MGST1: variants seen among roughly 807,000 people sequenced by gnomAD.
MGST1 encodes microsomal glutathione S-transferase 1.
MGST1 carries 5 observed loss-of-function variants against 8.9 expected under a neutral mutation model. That is an observed-to-expected ratio of 0.56 (90% CI 0.29 to 1.19). The LOEUF (loss-of-function observed/expected upper bound fraction) is 1.19, where lower values mean the gene tolerates loss of function less well. Among genes scored for constraint, MGST1 ranks in the 50% most tolerant of loss-of-function variants. The pLI is 0.08. For synonymous variants in MGST1, 54 were observed against 67.8 expected, an observed-to-expected ratio of 0.80 and a Z score of 1.00; for missense variants, 182 against 187.4, an observed-to-expected ratio of 0.97 and a Z score of 0.17.
At chr12:16,429,748 A>G (rs1377845265) in intron 1 of MGST1, among the ~76,000 whole-genome samples, 4 of 152,292 alleles carry the variant, frequency 2.6e-5, no homozygotes, top group African/African-American at 9.6e-5. Flanking sequence ...ATTATTTGCA[A>G]CTTTAGCAAG....
chr12:16,420,870 T>C (rs1940829891), intron 1 of MGST1, among the ~76,000 whole-genome samples: 1 of 152,132 alleles, frequency 6.6e-6, no homozygotes, highest in Non-Finnish European at 1.5e-5. Context: ...GTTTCTTAAG[T>C]TCATTTATTT....
intron 4 of MGST1, among the ~76,000 whole-genome samples, chr12:16,538,641 C>T (rs1941772218): frequency 1.4e-5 from 2 of 143,070 alleles, no homozygotes; most frequent in Non-Finnish European, 3.0e-5. Flanking sequence ...CAGAGTCTCG[C>T]TCTGTCACCC....
intron 4 of MGST1, among the ~76,000 whole-genome samples, chr12:16,467,835 T>A (rs893862674): frequency 1.3e-5 from 2 of 152,172 alleles, no homozygotes; most frequent in Non-Finnish European, 1.5e-5. Flanking sequence ...GAAATAGAAT[T>A]GAGTCTTAAT....
chr12:16,360,270 T>C, intron 3 of MGST1: 1 of 667,336 alleles, frequency 1.5e-6, no homozygotes. Context: ...TAAGTTAGAC[T>C]TTTTTTTTTC....
At chr12:16,446,947 A>G (rs1941085277) in intron 4 of MGST1, among the ~76,000 whole-genome samples, 1 of 151,902 alleles carries the variant, frequency 6.6e-6, no homozygotes, top group Non-Finnish European at 1.5e-5. Flanking sequence ...CCATGGAACA[A>G]TATAATCCTC....
chr12:16,505,134 A>G lies in MGST1; in HGVS notation n.483-84394A>G, dbSNP rs576600102. On this transcript the variant is annotated intron_variant and non_coding_transcript_variant, in intron 4 of 4. Transcript: ENST00000538857. ...CACTATGGACACATCCCAGAGGGCA[A>G]TCTCAACTATTTTGTGGATAACTCT... Among the ~76,000 whole-genome samples, 52 of 152,204 alleles carry G rather than the reference A, an allele frequency of 3.4e-4. 1 individual carries two copies. Among genetic ancestry groups the G allele is most frequent in the Admixed American group, 1.8e-3 (28 of 15,284 alleles).
chr12:16,460,369 G>T (rs1316612427), intron 4 of MGST1, among the ~76,000 whole-genome samples: 1 of 152,110 alleles, frequency 6.6e-6, no homozygotes, highest in Non-Finnish European at 1.5e-5. Flanking sequence ...GCTGGTGGGA[G>T]GGTTAGAGTT....
chr12:16,551,748 G>GTA (rs1941998475), intron 4 of MGST1, among the ~76,000 whole-genome samples: 1 of 151,908 alleles, frequency 6.6e-6, no homozygotes, highest in African/African-American at 2.4e-5. Context: ...TAATAAAAAA[G>GTA]TAAAAGGCAT....
At chr12:16,561,345 G>T (rs1942398077) in intron 4 of MGST1, among the ~76,000 whole-genome samples, 1 of 152,136 alleles carries the variant, frequency 6.6e-6, no homozygotes, top group Non-Finnish European at 1.5e-5. Flanking sequence ...AGTTGATAAT[G>T]GAGGGGAAGA....
At chr12:16,446,717 T>G (rs1221305799) in intron 4 of MGST1, among the ~76,000 whole-genome samples, 2 of 151,844 alleles carry the variant, frequency 1.3e-5, no homozygotes, top group Non-Finnish European at 1.5e-5. Context: ...TCATCCACTC[T>G]GTGACATCCC....
At position 16,584,141 on chromosome 12, in the gene MGST1, G is replaced by T. The variant is rs937420876; in HGVS notation, n.483-5387G>T. 3.3e-5 allele frequency among the ~76,000 whole-genome samples: 5 copies of T among 152,152 alleles called. No individual in the cohort carries two copies. Among genetic ancestry groups the T allele is most frequent in the Admixed American group, 1.3e-4 (2 of 15,264 alleles). ...TAGAATCCCTAGAATTGTGGTAAGAGGGAAATGACAGCAGTGAGTAGGGGT... is the reference window on the plus strand; with the variant it reads ...TAGAATCCCTAGAATTGTGGTAAGATGGAAATGACAGCAGTGAGTAGGGGT... On this transcript the variant is annotated intron_variant and non_coding_transcript_variant, in intron 4 of 4. Coordinates refer to the MGST1 transcript ENST00000538857. The surrounding 1 kb of genome is among the most constrained non-coding windows in gnomAD (Gnocchi z 5.2).
At position 16,354,429 on chromosome 12, in the gene MGST1, G is replaced by T. The variant is rs201427433; in HGVS notation, c.126+51G>T. ...CTTACTTTTAAGAGTTGGAATTCTG[G>T]AGAGCAGTTTTCTTAATTTTCTTTT... is the stretch of plus-strand genomic sequence containing the variant. On this transcript the variant is annotated intron_variant, in intron 2 of 3. Transcript: ENST00000396210. The T allele has an allele frequency of 2.1e-5, 33 of 1,551,728 alleles. No individual in the cohort carries two copies. The East Asian group carries it at 7.1e-4, about 34-fold the overall frequency.
At chr12:16,439,592 A>C (rs145290637), downstream of MGST1, among the ~76,000 whole-genome samples, 1 of 151,752 alleles carries the variant, frequency 6.6e-6, no homozygotes, top group Non-Finnish European at 1.5e-5. Flanking sequence ...TGTCACTTAT[A>C]GTGGCTCCTT....
intron 4 of MGST1, among the ~76,000 whole-genome samples, chr12:16,525,198 G>C (rs1233728302): frequency 1.3e-5 from 2 of 151,268 alleles, no homozygotes; most frequent in Admixed American, 1.3e-4. Flanking sequence ...ACATTGTGCA[G>C]GTTAGTTACA....
chr12:16,555,323 T>G lies in MGST1; in HGVS notation n.483-34205T>G, dbSNP rs575242864. 5.9e-5 allele frequency among the ~76,000 whole-genome samples: 9 copies of G among 152,232 alleles called. No individual in the cohort carries two copies. The South Asian group carries it at 6.2e-4, about 10-fold the overall frequency. On this transcript the variant is annotated intron_variant and non_coding_transcript_variant, in intron 4 of 4. Transcript: ENST00000538857. The surrounding 1 kb of genome is among the most constrained non-coding windows in gnomAD (Gnocchi z 5.5). ...TCTGACCATGTAAATTTGCTTATTC[T>G]GATGTTTCCCAAAGCACTTATTTAT...
chr12:16,489,708 C>A (rs1301738166), intron 4 of MGST1, among the ~76,000 whole-genome samples: 1 of 152,132 alleles, frequency 6.6e-6, no homozygotes, highest in Non-Finnish European at 1.5e-5. Context: ...AGAGGTAGAG[C>A]AGGCAGAGAC....
chr12:16,393,117 T>C (rs1213614890), intron 1 of MGST1, among the ~76,000 whole-genome samples: 3 of 152,186 alleles, frequency 2.0e-5, no homozygotes, highest in African/African-American at 7.2e-5. Context: ...TTTAGTTTTG[T>C]AAATTGTTTA....
chr12:16,456,691 G>A (rs756093796), intron 4 of MGST1, among the ~76,000 whole-genome samples: 1 of 151,856 alleles, frequency 6.6e-6, no homozygotes, highest in Non-Finnish European at 1.5e-5. Context: ...CACACAAACT[G>A]AGTCACCTCC....
intron 4 of MGST1, among the ~76,000 whole-genome samples, chr12:16,566,037 T>TAA (rs1942596973): frequency 1.2e-5 from 1 of 86,166 alleles, no homozygotes; most frequent in Non-Finnish European, 2.3e-5. Flanking sequence ...TATATATATA[T>TAA]ATAAAATGGA....
Sources: allele counts gnomAD v4.1 joint callset (sites outside exome capture counted in the v4.1 genomes callset), GRCh38; gene constraint gnomAD v4.1.1; non-coding constraint Gnocchi (gnomAD v3.1); transcripts MANE v1.5; gene names NCBI Gene and HGNC (gene_info 2026-07-23, HGNC 2026-07-21).